The following SYN3 variants were observed in gnomAD, a reference collection of about 807,000 sequenced individuals.
SYN3 encodes synapsin-3.
A neutral mutation model predicts 65.8 loss-of-function variants in SYN3; 35 were observed. That is an observed-to-expected ratio of 0.53 (90% CI 0.41 to 0.70). The LOEUF is 0.70. Among genes scored for constraint, SYN3 ranks in the 30% least tolerant of loss-of-function variants. The probability of loss-of-function intolerance (pLI) is 0.00; values close to 1 mark genes in which losing one functional copy is unlikely to be tolerated. For missense variants in SYN3, 680 were observed against 749.0 expected (o/e 0.91, Z 1.08); for synonymous variants, 270 against 292.9 (o/e 0.92, Z 0.80).
At chr22:32,595,590 T>G (rs1030437415) in intron 7 of SYN3, among the ~76,000 whole-genome samples, 6 of 152,242 alleles carry the variant, frequency 3.9e-5, no homozygotes, top group East Asian at 1.9e-4. Context: ...TTTGCCATTT[T>G]CTAGGTGTCA....
intron 7 of SYN3, among the ~76,000 whole-genome samples, chr22:32,553,751 G>A (rs78029127): frequency 0.048 from 7,247 of 152,306 alleles, 186 homozygotes; most frequent in Non-Finnish European, 0.067. Flanking sequence ...GGGACACCCA[G>A]TGAGGTGGGG....
At position 32,518,139 on chromosome 22, in the gene SYN3, G is replaced by A. The variant is rs759754925; in HGVS notation, c.1514C>T (p.Thr505Ile). ...SPNQASKPGA[T>I]LASQPRPPVQ... ...AGGGGGCCGGGGCTGTGAGGCGAGG[G>A]TGGCACCTGGCTTGGAGGCCTGGTT... The change falls in exon 13 of 14, where the codon ACC (threonine) becomes ATC (isoleucine). Residue 505 changes from threonine to isoleucine, a missense_variant. Coordinates refer to ENST00000358763, the MANE Select transcript of SYN3 (RefSeq NM_003490.4). 1.2e-6 allele frequency: 2 copies of A among 1,609,600 alleles called. No individual in the cohort carries two copies. The highest frequency in any genetic ancestry group is 1.7e-6 in the Non-Finnish European group (2 of 1,177,878).
At chr22:32,626,157 C>A (rs576282969) in intron 6 of SYN3, among the ~76,000 whole-genome samples, 1 of 152,148 alleles carries the variant, frequency 6.6e-6, no homozygotes, top group Non-Finnish European at 1.5e-5. Flanking sequence ...AGAGGCTGGG[C>A]TTGGGAGGAG....
At chr22:32,891,605 C>A (rs1390197449) in intron 4 of SYN3, among the ~76,000 whole-genome samples, 1 of 152,204 alleles carries the variant, frequency 6.6e-6, no homozygotes, top group Non-Finnish European at 1.5e-5. Flanking sequence ...TATCCTGGAC[C>A]AGCCATTCCT....
chr22:32,600,834 G>A (rs1013647385), intron 6 of SYN3, among the ~76,000 whole-genome samples: 3 of 151,992 alleles, frequency 2.0e-5, no homozygotes, highest in Non-Finnish European at 4.4e-5. Context: ...ATTACAGGCT[G>A]TGCCACCATG....
At chr22:32,519,033 C>A (rs992368792) in intron 12 of SYN3, among the ~76,000 whole-genome samples, 1 of 152,160 alleles carries the variant, frequency 6.6e-6, no homozygotes, top group African/African-American at 2.4e-5. Context: ...ACAAAGAAGG[C>A]TGCCATCTGC....
rs577695581 is a variant in SYN3 at position 32,544,552 on chromosome 22, G to A, written c.775-2839C>T. On this transcript the variant is annotated intron_variant, in intron 7 of 13. Coordinates refer to ENST00000358763, the MANE Select transcript of SYN3 (RefSeq NM_003490.4). ...AGAATGCCTCTGGTCCTTGCCCTGCGTTGACCCTCTGTAGCACCTGAAATT... is the reference window on the plus strand; with the variant it reads ...AGAATGCCTCTGGTCCTTGCCCTGCATTGACCCTCTGTAGCACCTGAAATT... Among the ~76,000 whole-genome samples, 5 of 152,250 alleles carry A rather than the reference G, an allele frequency of 3.3e-5. No individual in the cohort carries two copies. In the South Asian group the frequency reaches 8.3e-4, roughly 25 times the overall value.
intron 2 of SYN3, among the ~76,000 whole-genome samples, chr22:32,989,376 T>C (rs1341225360): frequency 3.3e-5 from 5 of 152,308 alleles, no homozygotes; most frequent in African/African-American, 7.2e-5. Context: ...CAGCTGGGTA[T>C]GTCCCTAAGA....
chr22:32,998,107 C>T (rs133932), intron 2 of SYN3, among the ~76,000 whole-genome samples: 7,032 of 151,868 alleles, frequency 0.046, 338 homozygotes, highest in African/African-American at 0.12. Context: ...TTGCCAATAA[C>T]GCACCACCTC....
At chr22:32,876,152 A>G (rs1162773538) in intron 4 of SYN3, among the ~76,000 whole-genome samples, 1 of 152,154 alleles carries the variant, frequency 6.6e-6, no homozygotes, top group Non-Finnish European at 1.5e-5. Flanking sequence ...AGGCACCATC[A>G]CATTTGGTCT....
intron 13 of SYN3, among the ~76,000 whole-genome samples, chr22:32,516,068 G>T (rs1330562919): frequency 6.6e-6 from 1 of 152,132 alleles, no homozygotes; most frequent in Admixed American, 6.5e-5. Context: ...AAAGTGTTGG[G>T]ATTACAGGCA....
chr22:32,648,553 T>C (rs2060016776), intron 6 of SYN3, among the ~76,000 whole-genome samples: 1 of 152,216 alleles, frequency 6.6e-6, no homozygotes, highest in Admixed American at 6.5e-5. Flanking sequence ...CTGCCCTTAG[T>C]AGTTTAATGG....
intron 4 of SYN3, among the ~76,000 whole-genome samples, chr22:32,909,811 G>A (rs2050004352): frequency 6.6e-6 from 1 of 152,134 alleles, no homozygotes; most frequent in African/African-American, 2.4e-5. Flanking sequence ...CCAGTAGCAT[G>A]AGCCCAGCCT....
At position 32,584,636 on chromosome 22, in the gene SYN3, A is replaced by G. The variant is rs368516241; in HGVS notation, c.774+12038T>C. 8.1e-4 allele frequency among the ~76,000 whole-genome samples: 124 copies of G among 152,290 alleles called. 2 individuals are homozygous for G. Among genetic ancestry groups the G allele is most frequent in the South Asian group, 2.3e-3 (11 of 4,828 alleles). On this transcript the variant is annotated intron_variant, in intron 7 of 13. Coordinates refer to ENST00000358763, the MANE Select transcript of SYN3 (RefSeq NM_003490.4). ...GCATCAGTGCTCATAAGAACAGACAATTTATTTCTTCCAAATGAGTCTGTT... is the reference window on the plus strand; with the variant it reads ...GCATCAGTGCTCATAAGAACAGACAGTTTATTTCTTCCAAATGAGTCTGTT...
intron 1 of SYN3, among the ~76,000 whole-genome samples, chr22:33,044,983 C>T (rs2054034678): frequency 1.3e-5 from 2 of 151,986 alleles, no homozygotes; most frequent in South Asian, 2.1e-4. Flanking sequence ...GCTGGAATTA[C>T]AGGCATGTGC....
intron 9 of SYN3, among the ~76,000 whole-genome samples, chr22:32,535,789 G>GC (rs944929239): frequency 1.3e-5 from 2 of 152,018 alleles, no homozygotes; most frequent in African/African-American, 2.4e-5. Flanking sequence ...ATCGGGGGGG[G>GC]GGCCCTGCTC....
chr22:32,573,492 A>G (rs1287147673), intron 7 of SYN3, among the ~76,000 whole-genome samples: 5 of 152,208 alleles, frequency 3.3e-5, no homozygotes, highest in Non-Finnish European at 5.9e-5. Flanking sequence ...TATAGGACTG[A>G]GTTCATCAAA....
chr22:32,988,178 A>C (rs1182099012), intron 2 of SYN3, among the ~76,000 whole-genome samples: 1 of 151,960 alleles, frequency 6.6e-6, no homozygotes, highest in Non-Finnish European at 1.5e-5. Flanking sequence ...ATGGTGGTGC[A>C]TGCCTGTAAT....
chr22:32,982,208 G>A (rs207477960), intron 2 of SYN3, among the ~76,000 whole-genome samples: 2 of 152,138 alleles, frequency 1.3e-5, no homozygotes, highest in African/African-American at 4.8e-5. Flanking sequence ...GTTTTATTGA[G>A]TTATACCTAT....
Sources: allele counts gnomAD v4.1 joint callset (sites outside exome capture counted in the v4.1 genomes callset), GRCh38; gene constraint gnomAD v4.1.1; transcripts MANE v1.5; gene names NCBI Gene and HGNC (gene_info 2026-07-23, HGNC 2026-07-21).